Variants in HECW2 observed in about 807,000 individuals in gnomAD.
The protein encoded by HECW2 is HECT, C2 and WW domain containing E3 ubiquitin protein ligase 2, also known as E3 ubiquitin-protein ligase HECW2.
A neutral mutation model predicts 175.2 loss-of-function variants in HECW2; 61 were observed. The observed-to-expected ratio is 0.35, with a 90% CI of 0.28 to 0.43. HECW2 has a LOEUF of 0.43. HECW2 is among the 20% of genes least tolerant of loss of function. The pLI is 1.00. For synonymous variants in HECW2, 671 were observed against 731.0 expected, an observed-to-expected ratio of 0.92 and a Z score of 1.32; for missense variants, 1,524 against 2,000.5, an observed-to-expected ratio of 0.76 and a Z score of 4.54.
chr2:196,496,986 T>G (rs1329388234), intron 1 of HECW2, among the ~76,000 whole-genome samples: 1 of 152,166 alleles, frequency 6.6e-6, no homozygotes, highest in East Asian at 1.9e-4. Flanking sequence ...GGTATCTGCC[T>G]TACAGGAATT....
intron 1 of HECW2, among the ~76,000 whole-genome samples, chr2:196,467,768 T>A (rs917947371): frequency 6.6e-6 from 1 of 152,196 alleles, no homozygotes; most frequent in Non-Finnish European, 1.5e-5. Flanking sequence ...GCTACCTTTA[T>A]CTCACCCTCT....
intron 2 of HECW2, among the ~76,000 whole-genome samples, chr2:196,403,354 G>A (rs1033478689): frequency 3.5e-4 from 53 of 152,174 alleles, no homozygotes; most frequent in African/African-American, 1.1e-3. Flanking sequence ...ATGCTTAAGT[G>A]TTTCTGCTTT....
intron 1 of HECW2, among the ~76,000 whole-genome samples, chr2:196,499,438 A>G (rs953212470): frequency 5.3e-5 from 8 of 152,166 alleles, no homozygotes; most frequent in Admixed American, 5.2e-4. Flanking sequence ...ATGCCTTGAT[A>G]ATATAAATAA....
intron 1 of HECW2, among the ~76,000 whole-genome samples, chr2:196,537,589 G>A (rs1416600877): frequency 1.3e-5 from 2 of 152,104 alleles, no homozygotes; most frequent in South Asian, 2.1e-4. Flanking sequence ...TGTCAGAGGC[G>A]TTCGAACCAG....
intron 28 of HECW2, among the ~76,000 whole-genome samples, chr2:196,215,076 A>G (rs970523530): frequency 6.6e-6 from 1 of 152,220 alleles, no homozygotes. Context: ...CTACAGTATT[A>G]CTACTAATTG....
chr2:196,398,601 A>G (rs1427494257), intron 2 of HECW2, among the ~76,000 whole-genome samples: 1 of 152,054 alleles, frequency 6.6e-6, no homozygotes, highest in East Asian at 1.9e-4. Flanking sequence ...CGAAGAAACC[A>G]CCTCTGGCTT....
intron 1 of HECW2, among the ~76,000 whole-genome samples, chr2:196,520,677 C>A (rs1011027303): frequency 2.0e-5 from 3 of 152,180 alleles, no homozygotes; most frequent in Admixed American, 1.3e-4. Context: ...TTGTGCAGAA[C>A]CAAAATGTCT....
At chr2:196,503,993 T>G (rs950380005) in intron 1 of HECW2, among the ~76,000 whole-genome samples, 1 of 152,036 alleles carries the variant, frequency 6.6e-6, no homozygotes, top group Non-Finnish European at 1.5e-5. Context: ...AACGCCGACT[T>G]CATTAAAAAC....
intron 1 of HECW2, among the ~76,000 whole-genome samples, chr2:196,555,884 CT>C (rs1689776389): frequency 6.6e-6 from 1 of 152,146 alleles, no homozygotes; most frequent in Non-Finnish European, 1.5e-5. Context: ...CATAATCCTG[CT>C]TTATCTTTCT....
intron 1 of HECW2, among the ~76,000 whole-genome samples, chr2:196,523,040 T>C (rs1423318468): frequency 9.9e-5 from 15 of 151,622 alleles, no homozygotes; most frequent in Non-Finnish European, 1.8e-4. Flanking sequence ...TTGATGGGGA[T>C]GGCATTGAAT....
chr2:196,208,689 T>C (rs1687156062), intron 28 of HECW2, among the ~76,000 whole-genome samples: 1 of 152,186 alleles, frequency 6.6e-6, no homozygotes, highest in Non-Finnish European at 1.5e-5. Context: ...AGATAAGTGT[T>C]ATAGGCAGCA....
At chr2:196,519,525 A>G (rs150352911) in intron 1 of HECW2, among the ~76,000 whole-genome samples, 99 of 152,358 alleles carry the variant, frequency 6.5e-4, no homozygotes, top group African/African-American at 2.3e-3. Flanking sequence ...TGCTTAAATA[A>G]AAGTAATGCT....
intron 1 of HECW2, among the ~76,000 whole-genome samples, chr2:196,440,133 G>A (rs1028681364): frequency 2.0e-5 from 3 of 152,090 alleles, no homozygotes; most frequent in African/African-American, 7.2e-5. Context: ...CTCTTATGAG[G>A]GTGGGTCCAA....
intron 1 of HECW2, among the ~76,000 whole-genome samples, chr2:196,503,259 G>C (rs915949756): frequency 1.3e-5 from 2 of 152,110 alleles, no homozygotes; most frequent in Non-Finnish European, 2.9e-5. Context: ...GGGGCTTTTG[G>C]GCATGGAAAT....
intron 1 of HECW2, among the ~76,000 whole-genome samples, chr2:196,532,646 T>C (rs1173130525): frequency 6.6e-6 from 1 of 151,768 alleles, no homozygotes; most frequent in Non-Finnish European, 1.5e-5. Context: ...AAATAGTATG[T>C]GCAATAGGGA....
At chr2:196,556,282 T>C (rs912016111) in intron 1 of HECW2, among the ~76,000 whole-genome samples, 9 of 152,222 alleles carry the variant, frequency 5.9e-5, no homozygotes, top group Non-Finnish European at 1.0e-4. Flanking sequence ...TCACCTCACA[T>C]AATTACCTTG....
intron 2 of HECW2, among the ~76,000 whole-genome samples, chr2:196,359,574 T>C (rs1045708141): frequency 1.3e-5 from 2 of 152,350 alleles, no homozygotes; most frequent in Non-Finnish European, 2.9e-5. Flanking sequence ...TACTTTTACA[T>C]TGCACCTAAG....
chr2:196,339,423 C>T (rs187762085), intron 3 of HECW2, among the ~76,000 whole-genome samples: 4 of 152,280 alleles, frequency 2.6e-5, no homozygotes, highest in East Asian at 3.9e-4. Context: ...GTAATTTATA[C>T]AAATATCAGT....
chr2:196,247,203 A>G (rs1575288863), intron 19 of HECW2, among the ~76,000 whole-genome samples: 1 of 152,336 alleles, frequency 6.6e-6, no homozygotes, highest in Non-Finnish European at 1.5e-5. Context: ...GCGAGCCGAC[A>G]TCGCACCACT....
Sources: allele counts gnomAD v4.1 joint callset (sites outside exome capture counted in the v4.1 genomes callset), GRCh38; gene constraint gnomAD v4.1.1; transcripts MANE v1.5; gene names NCBI Gene and HGNC (gene_info 2026-07-23, HGNC 2026-07-21).